Variants in NEO1 observed in about 807,000 individuals in gnomAD.
The protein encoded by NEO1 is neogenin.
NEO1 carries 63 observed loss-of-function variants against 159.7 expected under a neutral mutation model. That is an observed-to-expected ratio of 0.39 (90% CI 0.32 to 0.49). NEO1 has a LOEUF of 0.49. NEO1 is among the 20% of genes least tolerant of loss of function. The pLI, the probability that NEO1 is intolerant of heterozygous loss-of-function variation, is 0.85. For synonymous variants in NEO1, 633 were observed against 662.0 expected (o/e 0.96, Z 0.67); for missense variants, 1,615 against 1,831.0 (o/e 0.88, Z 2.15).
chr15:73,066,885 G>A (rs1477141863), intron 1 of NEO1, among the ~76,000 whole-genome samples: 2 of 152,154 alleles, frequency 1.3e-5, no homozygotes, highest in Non-Finnish European at 1.5e-5. Context: ...TACCAGATTT[G>A]TCCCTTTGGC....
chr15:73,202,734 C>T (rs757902061), intron 7 of NEO1, among the ~76,000 whole-genome samples: 22 of 152,186 alleles, frequency 1.4e-4, no homozygotes, highest in Non-Finnish European at 2.9e-4. Context: ...TCACTGCTAT[C>T]CATCTCAAGA....
chr15:73,200,866 T>TAG (rs1221529863), intron 7 of NEO1, among the ~76,000 whole-genome samples: 1 of 151,672 alleles, frequency 6.6e-6, no homozygotes, highest in Non-Finnish European at 1.5e-5. Context: ...GTATTTTTGG[T>TAG]AGAGACAGTT....
At chr15:73,297,446 A>G (rs778106631) in intron 26 of NEO1, among the ~76,000 whole-genome samples, 2 of 152,236 alleles carry the variant, frequency 1.3e-5, no homozygotes, top group Non-Finnish European at 2.9e-5. Flanking sequence ...CACCGTGTTC[A>G]GCACTTTTCA....
chr15:73,189,514 T>C (rs75805959), intron 7 of NEO1, among the ~76,000 whole-genome samples: 2,951 of 150,654 alleles, frequency 0.02, 108 homozygotes, highest in African/African-American at 0.068. Flanking sequence ...AATCAATCTC[T>C]TGTGATGGTG....
intron 5 of NEO1, among the ~76,000 whole-genome samples, chr15:73,173,415 C>T (rs1048898864): frequency 6.6e-6 from 1 of 152,142 alleles, no homozygotes; most frequent in Non-Finnish European, 1.5e-5. Flanking sequence ...CTGAAATAAA[C>T]CCCCAAGAGT....
At chr15:73,234,422 C>G (rs902768551) in intron 7 of NEO1, among the ~76,000 whole-genome samples, 1 of 152,196 alleles carries the variant, frequency 6.6e-6, no homozygotes, top group African/African-American at 2.4e-5. Context: ...AAGTCTTTGA[C>G]TCCTTCCTAA....
intron 19 of NEO1, among the ~76,000 whole-genome samples, chr15:73,273,360 A>G (rs1410985422): frequency 1.3e-5 from 2 of 152,202 alleles, no homozygotes; most frequent in East Asian, 1.9e-4. Flanking sequence ...CTCTTTCTGT[A>G]CATCCTGGTC....
chr15:73,078,270 A>G (rs2068871641), intron 1 of NEO1, among the ~76,000 whole-genome samples: 1 of 152,178 alleles, frequency 6.6e-6, no homozygotes, highest in South Asian at 2.1e-4. Flanking sequence ...CAAGTAAGCT[A>G]GAGAATCCCT....
intron 1 of NEO1, among the ~76,000 whole-genome samples, chr15:73,095,672 TG>T (rs1405927032): frequency 5.7e-5 from 6 of 105,270 alleles, no homozygotes; most frequent in African/African-American, 2.0e-4. Context: ...AGTCTTTATT[TG>T]TTTTTTTTTT....
At chr15:73,119,079 C>T (rs2071483425) in intron 2 of NEO1, among the ~76,000 whole-genome samples, 2 of 151,938 alleles carry the variant, frequency 1.3e-5, no homozygotes, top group Non-Finnish European at 2.9e-5. Context: ...ACCATATGAC[C>T]TAGCAGTTCC....
In NEO1 at chr15:73,198,355, A is replaced by G. The variant is rs183643208; in HGVS notation, c.1291+19928A>G. Among the ~76,000 whole-genome samples, 18 of 152,264 alleles carry G rather than the reference A, an allele frequency of 1.2e-4. 1 individual carries two copies. Among genetic ancestry groups the G allele is most frequent in the Admixed American group, 1.0e-3 (16 of 15,296 alleles). ...TCTTTATTTCACTTGATTATATTTT[A>G]TGATAAATTTCTCAGAGTATGTGAG... On this transcript the variant is annotated intron_variant, in intron 7 of 28. Coordinates refer to ENST00000261908, the MANE Select transcript of NEO1 (RefSeq NM_002499.4).
At chr15:73,117,647 A>G (rs2071400560) in intron 2 of NEO1, among the ~76,000 whole-genome samples, 2 of 152,204 alleles carry the variant, frequency 1.3e-5, no homozygotes, top group South Asian at 4.1e-4. Context: ...TTCCTACTCC[A>G]GGATTATGGT....
At chr15:73,082,572 G>A (rs2069124645) in intron 1 of NEO1, among the ~76,000 whole-genome samples, 1 of 151,850 alleles carries the variant, frequency 6.6e-6, no homozygotes, top group Non-Finnish European at 1.5e-5. Flanking sequence ...GAAGTTCACA[G>A]AACAAAGGAT....
intron 19 of NEO1, 63 bp from the exon 20 acceptor site, chr15:73,273,748 T>C (rs747953783): frequency 7.8e-7 from 1 of 1,274,044 alleles, no homozygotes; most frequent in Non-Finnish European, 1.1e-6. Flanking sequence ...TACTTATTGA[T>C]TTACTGAAGG....
chr15:73,086,409 C>T (rs563884855), intron 1 of NEO1, among the ~76,000 whole-genome samples: 1 of 152,068 alleles, frequency 6.6e-6, no homozygotes, highest in Admixed American at 6.6e-5. Context: ...AGCTATTCTA[C>T]TTTCTTTCTT....
chr15:73,288,748 C>T (rs934075178), intron 24 of NEO1, among the ~76,000 whole-genome samples, 197 bp downstream of exon 24: 1 of 152,008 alleles, frequency 6.6e-6, no homozygotes, highest in Non-Finnish European at 1.5e-5. Context: ...TGTAGCCATA[C>T]GAGACAATCT....
At chr15:73,271,931 A>G (rs2041191578) in intron 18 of NEO1, among the ~76,000 whole-genome samples, 2 of 151,060 alleles carry the variant, frequency 1.3e-5, no homozygotes, top group South Asian at 4.2e-4. Flanking sequence ...AAAAACAGCT[A>G]TATTTGGTTT....
At position 73,254,726 on chromosome 15, in the gene NEO1, T is replaced by C. The variant is rs2150961380; in HGVS notation, c.1989T>C (p.Asn663=). The change falls in exon 13 of 29, where the codon AAT becomes AAC. Residue 663 remains asparagine, a synonymous_variant. Transcript: ENST00000261908. ...AGCCACCTGCTCCAGCCACACAAAA[T>C]GGGCAGATTACTGGCTACAAGATTC... ...HWQPPAPATQ[N]GQITGYKIRY... is the part of the protein sequence containing the mutation. 1 of 1,613,978 alleles carries C rather than the reference T, an allele frequency of 6.2e-7. No homozygotes were observed. The highest frequency in any genetic ancestry group is 8.5e-7 in the Non-Finnish European group (1 of 1,179,948).
At chr15:73,144,521 G>T (rs755796060) in intron 5 of NEO1, among the ~76,000 whole-genome samples, 1 of 151,990 alleles carries the variant, frequency 6.6e-6, no homozygotes, top group African/African-American at 2.4e-5. Flanking sequence ...TTCTTTGCCC[G>T]TTCCTTTTGT....
Sources: gnomAD v4.1 joint callset for allele counts (sites outside exome capture counted in the v4.1 genomes callset) on GRCh38, gnomAD v4.1.1 for gene constraint, MANE v1.5 for transcripts, NCBI Gene and HGNC (gene_info 2026-07-23, HGNC 2026-07-21) for gene names.